The following LRP1B variants were observed in gnomAD, a reference collection of about 807,000 sequenced individuals.
The protein encoded by LRP1B is LDL receptor related protein 1B, also known as low-density lipoprotein receptor-related protein 1B.
Under a neutral mutation model 556.6 loss-of-function variants are expected in LRP1B, and 217 were observed. That is an observed-to-expected ratio of 0.39 (90% confidence interval 0.35 to 0.44). The LOEUF (loss-of-function observed/expected upper bound fraction) is 0.44, where lower values mean the gene tolerates loss of function less well. LRP1B is among the 20% of genes least tolerant of loss of function. The pLI, the probability that LRP1B is intolerant of heterozygous loss-of-function variation, is 1.00. For missense variants in LRP1B, 5,053 were observed against 5,620.8 expected (o/e 0.90, Z 3.23); for synonymous variants, 2,047 against 1,865.8 (o/e 1.10, Z -2.50).
chr2:140,326,468 G>A (rs1034613805), intron 79 of LRP1B, among the ~76,000 whole-genome samples: 2 of 152,154 alleles, frequency 1.3e-5, no homozygotes, highest in Non-Finnish European at 2.9e-5. Flanking sequence ...GCTCACGCCT[G>A]TAATCCCACC....
intron 4 of LRP1B, among the ~76,000 whole-genome samples, chr2:141,253,856 G>GTAATA (rs1558962060): frequency 2.0e-5 from 3 of 151,324 alleles, no homozygotes; most frequent in African/African-American, 7.3e-5. Context: ...AATATTATAT[G>GTAATA]TAGATATAGA....
chr2:141,019,433 C>G (rs1295912829), intron 12 of LRP1B, among the ~76,000 whole-genome samples: 1 of 151,970 alleles, frequency 6.6e-6, no homozygotes, highest in African/African-American at 2.4e-5. Flanking sequence ...TCATTTTCAA[C>G]TTTATAAAGC....
chr2:140,813,366 T>C (rs547915837), intron 32 of LRP1B, among the ~76,000 whole-genome samples: 2 of 152,172 alleles, frequency 1.3e-5, no homozygotes, highest in Non-Finnish European at 2.9e-5. Context: ...TTTAGAGGAC[T>C]GGAGTAGAAC....
chr2:141,449,926 C>T (rs933046812), intron 3 of LRP1B, among the ~76,000 whole-genome samples: 4 of 152,172 alleles, frequency 2.6e-5, no homozygotes, highest in African/African-American at 9.6e-5. Flanking sequence ...CTCTAGATGT[C>T]AGTTTCATCT....
chr2:140,599,830 A>C (rs1416766502), intron 42 of LRP1B, among the ~76,000 whole-genome samples: 1 of 152,100 alleles, frequency 6.6e-6, no homozygotes, highest in Non-Finnish European at 1.5e-5. Context: ...AGAGAGCTTA[A>C]GTAATTAAAG....
At chr2:141,442,341 T>A (rs1559072584) in intron 3 of LRP1B, among the ~76,000 whole-genome samples, 1 of 151,880 alleles carries the variant, frequency 6.6e-6, no homozygotes, top group African/African-American at 2.4e-5. Flanking sequence ...GTATAATAGA[T>A]AAATAACAAA....
At chr2:142,111,572 T>C (rs1027462736) in intron 1 of LRP1B, among the ~76,000 whole-genome samples, 30 of 152,140 alleles carry the variant, frequency 2.0e-4, no homozygotes, top group African/African-American at 7.2e-4. Context: ...TTTTATAACC[T>C]GATTCATCCT....
intron 1 of LRP1B, among the ~76,000 whole-genome samples, chr2:141,908,470 CAG>C (rs1699819740): frequency 6.6e-6 from 1 of 151,748 alleles, no homozygotes; most frequent in South Asian, 2.1e-4. Flanking sequence ...GAAAAAAAAA[CAG>C]AGAAAAACCA....
chr2:140,540,805 A>G (rs1325909166), intron 45 of LRP1B, among the ~76,000 whole-genome samples, 168 bp downstream of exon 45: 1 of 152,132 alleles, frequency 6.6e-6, no homozygotes, highest in African/African-American at 2.4e-5. Context: ...TGGTCCTATA[A>G]CTAAGCAGAA....
At position 140,754,720 on chromosome 2, in the gene LRP1B, A is replaced by G. The variant is rs569143181; in HGVS notation, c.5758+14493T>C. Among the ~76,000 whole-genome samples, 5 of 152,036 alleles carry G rather than the reference A, an allele frequency of 3.3e-5. No individual in the cohort carries two copies. In the East Asian group the frequency reaches 5.8e-4, roughly 18 times the overall value. Reference sequence around the variant, plus strand: ...ATAGCTGCAAATGCCTACATTATACAAGAAGAAAGATCTCAAATCAATAAC... The same window carrying G: ...ATAGCTGCAAATGCCTACATTATACGAGAAGAAAGATCTCAAATCAATAAC... On this transcript the variant is annotated intron_variant, in intron 35 of 90. Transcript: ENST00000389484.
chr2:140,262,813 A>G (rs1188991274), intron 86 of LRP1B, among the ~76,000 whole-genome samples: 4 of 152,278 alleles, frequency 2.6e-5, no homozygotes, highest in East Asian at 1.9e-4. Context: ...GTACATTTCA[A>G]TATCTCCCTA....
intron 31 of LRP1B, among the ~76,000 whole-genome samples, chr2:140,826,746 A>C (rs1691522872): frequency 6.6e-6 from 1 of 152,182 alleles, no homozygotes; most frequent in African/African-American, 2.4e-5. Flanking sequence ...TAAGAAAACT[A>C]TTACTGTCTG....
At chr2:140,291,587 T>G (rs1249078014) in intron 84 of LRP1B, among the ~76,000 whole-genome samples, 1 of 151,878 alleles carries the variant, frequency 6.6e-6, no homozygotes, top group Non-Finnish European at 1.5e-5. Flanking sequence ...TGCGATAGTT[T>G]GCTGAGAATG....
chr2:140,852,025 A>G (rs1025842094), intron 27 of LRP1B, among the ~76,000 whole-genome samples: 3 of 152,188 alleles, frequency 2.0e-5, no homozygotes, highest in Non-Finnish European at 2.9e-5. Flanking sequence ...AATGGCATGC[A>G]TCCTATTGCT....
At chr2:141,068,522 C>T (rs576593834) in intron 7 of LRP1B, among the ~76,000 whole-genome samples, 39 of 148,336 alleles carry the variant, frequency 2.6e-4, no homozygotes, top group Admixed American at 1.3e-3. Context: ...CTGGCCAGGG[C>T]CATGTTGTCT....
At chr2:141,603,689 A>T (rs994037636) in intron 2 of LRP1B, among the ~76,000 whole-genome samples, 2 of 152,136 alleles carry the variant, frequency 1.3e-5, no homozygotes, top group African/African-American at 4.8e-5. Context: ...CTGTGAATCA[A>T]CACCTTACCA....
At chr2:140,861,901 G>GCACA (rs1169786887) in intron 27 of LRP1B, among the ~76,000 whole-genome samples, 2 of 152,178 alleles carry the variant, frequency 1.3e-5, no homozygotes, top group African/African-American at 4.8e-5. Context: ...GTGTGCGCAT[G>GCACA]CACACGCTTT....
chr2:141,839,436 G>A (rs1259874659), intron 1 of LRP1B, among the ~76,000 whole-genome samples: 2 of 152,032 alleles, frequency 1.3e-5, no homozygotes, highest in Non-Finnish European at 2.9e-5. Context: ...GAGACAAGAA[G>A]GATTCCCATC....
chr2:140,374,622 C>T (rs2105175294), intron 68 of LRP1B, among the ~76,000 whole-genome samples: 1 of 152,202 alleles, frequency 6.6e-6, no homozygotes, highest in East Asian at 1.9e-4. Context: ...GTGCCGGGGA[C>T]ATAGTAAACA....
Sources: gnomAD v4.1 joint callset for allele counts (sites outside exome capture counted in the v4.1 genomes callset) on GRCh38, gnomAD v4.1.1 for gene constraint, MANE v1.5 for transcripts, NCBI Gene and HGNC (gene_info 2026-07-23, HGNC 2026-07-21) for gene names.